Variants in BNC2 observed in about 807,000 individuals in gnomAD.
The protein encoded by BNC2 is zinc finger protein basonuclin-2.
In BNC2, 20 loss-of-function variants were observed where a neutral mutation model predicts 76.3. The ratio of observed to expected loss-of-function variants is 0.26; its 90% CI spans 0.18 to 0.38. The LOEUF is 0.38. Among genes scored for constraint, BNC2 ranks in the 10% least tolerant of loss-of-function variants. BNC2 has a pLI of 1.00. For synonymous variants in BNC2, 582 were observed against 514.8 expected (o/e 1.13, Z -1.77); for missense variants, 1,382 against 1,399.8 (o/e 0.99, Z 0.20).
chr9:16,753,473 A>G (rs1444199286), intron 1 of BNC2, among the ~76,000 whole-genome samples: 5 of 152,230 alleles, frequency 3.3e-5, no homozygotes, highest in African/African-American at 1.2e-4. Context: ...CAACACTACA[A>G]TGTGATTCAG....
intron 5 of BNC2, among the ~76,000 whole-genome samples, chr9:16,469,992 CTTTTTTTTTTTTT>C (rs201134930): frequency 0.24 from 27,890 of 115,292 alleles, 3,012 homozygotes; most frequent in South Asian, 0.33. Flanking sequence ...TAATGGCATT[CTTTTTTTTTTTTT>C]TTTTTTTTTT....
intron 1 of BNC2, among the ~76,000 whole-genome samples, chr9:16,863,282 G>C (rs181100137): frequency 8.5e-5 from 13 of 152,306 alleles, no homozygotes; most frequent in Admixed American, 3.9e-4. Flanking sequence ...CCTAGGATAG[G>C]ATAGCTGGGC....
chr9:16,435,483 T>C (rs1242957812), intron 6 of BNC2, 72 bp downstream of exon 6: 1 of 1,535,806 alleles, frequency 6.5e-7, no homozygotes, highest in Non-Finnish European at 9.0e-7. Context: ...TTTCTTTTAG[T>C]GTGAAGTCCA....
chr9:16,522,254 G>C (rs1370970999), intron 5 of BNC2, among the ~76,000 whole-genome samples: 3 of 152,198 alleles, frequency 2.0e-5, no homozygotes, highest in Non-Finnish European at 4.4e-5. Context: ...CAAAGAGGAA[G>C]CATAATGTTC....
chr9:16,756,088 C>T (rs1278442911), intron 1 of BNC2, among the ~76,000 whole-genome samples: 2 of 152,182 alleles, frequency 1.3e-5, no homozygotes, highest in African/African-American at 4.8e-5. Context: ...AGGGACAACC[C>T]TTTCTTTGTC....
intron 5 of BNC2, among the ~76,000 whole-genome samples, chr9:16,502,292 G>A (rs577285148): frequency 6.4e-4 from 97 of 152,236 alleles, no homozygotes; most frequent in Non-Finnish European, 1.2e-3. Context: ...AGGTCACAGC[G>A]AGCTATGGTC....
At chr9:16,447,051 T>C (rs1342742661) in intron 5 of BNC2, among the ~76,000 whole-genome samples, 1 of 152,192 alleles carries the variant, frequency 6.6e-6, no homozygotes, top group Non-Finnish European at 1.5e-5. Flanking sequence ...TTTTTCAAGT[T>C]ACCTCGCTGC....
intron 5 of BNC2, among the ~76,000 whole-genome samples, chr9:16,476,454 T>C (rs930756993): frequency 1.3e-5 from 2 of 152,054 alleles, no homozygotes; most frequent in South Asian, 4.2e-4. Flanking sequence ...ATTTTCCTCA[T>C]TAATTGCAAC....
chr9:16,422,263 C>G (rs900410571), intron 6 of BNC2, among the ~76,000 whole-genome samples: 4 of 152,194 alleles, frequency 2.6e-5, no homozygotes, highest in Admixed American at 6.5e-5. Context: ...TAGACCAGCT[C>G]TGGCACTCTG....
At chr9:16,600,569 C>T (rs1263302619) in intron 3 of BNC2, among the ~76,000 whole-genome samples, 1 of 152,116 alleles carries the variant, frequency 6.6e-6, no homozygotes, top group Non-Finnish European at 1.5e-5. Context: ...TTAAGGTATA[C>T]ATGCTTCCTC....
intron 3 of BNC2, among the ~76,000 whole-genome samples, chr9:16,631,100 T>C (rs1282244548): frequency 1.3e-5 from 2 of 152,168 alleles, no homozygotes; most frequent in African/African-American, 2.4e-5. Flanking sequence ...ACTACATTTA[T>C]GGGGTACGTG....
chr9:16,656,740 T>C (rs1247433584), intron 3 of BNC2, among the ~76,000 whole-genome samples: 2 of 152,198 alleles, frequency 1.3e-5, no homozygotes, highest in African/African-American at 2.4e-5. Context: ...CACAATATCA[T>C]ATTGTTAACT....
chr9:16,453,895 G>A (rs1386367518), intron 5 of BNC2, among the ~76,000 whole-genome samples: 2 of 152,254 alleles, frequency 1.3e-5, no homozygotes, highest in East Asian at 1.9e-4. Flanking sequence ...TTCAAGAACT[G>A]CCCCAATCTA....
intron 3 of BNC2, among the ~76,000 whole-genome samples, chr9:16,663,689 TAATGTCC>T (rs1822181628): frequency 6.6e-6 from 1 of 152,150 alleles, no homozygotes; most frequent in South Asian, 2.1e-4. Context: ...GAAAGAGTAA[TAATGTCC>T]AATAGCGTCA....
rs1023196981 is a variant in BNC2 at position 16,549,653 on chromosome 9, T to C, written c.669+2877A>G. Among the ~76,000 whole-genome samples, 9 of 152,216 alleles carry C rather than the reference T, an allele frequency of 5.9e-5. 1 individual carries two copies. In the East Asian group the frequency reaches 1.7e-3, roughly 29 times the overall value. The stretch of plus-strand genomic sequence containing the variant: ...GGCCAATTATCAAGTAACATTACTT[T>C]AGAAGAATGGGTTTACTTTTACAGT... On this transcript the variant is annotated intron_variant, in intron 5 of 6. Coordinates refer to ENST00000380672, the MANE Select transcript of BNC2 (RefSeq NM_017637.6).
intron 3 of BNC2, among the ~76,000 whole-genome samples, chr9:16,669,247 A>T (rs943666972): frequency 2.0e-5 from 3 of 152,196 alleles, no homozygotes; most frequent in Admixed American, 1.3e-4. Flanking sequence ...CAAGATAAAA[A>T]ATTGTTCCTG....
At chr9:16,600,217 A>G (rs1820208222) in intron 3 of BNC2, among the ~76,000 whole-genome samples, 1 of 152,216 alleles carries the variant, frequency 6.6e-6, no homozygotes, top group African/African-American at 2.4e-5. Flanking sequence ...AGTGTGTTCT[A>G]CTTGAGTGAA....
intron 1 of BNC2, among the ~76,000 whole-genome samples, chr9:16,834,169 A>G (rs1192367496): frequency 1.4e-5 from 2 of 146,388 alleles, no homozygotes; most frequent in East Asian, 2.0e-4. Context: ...TCAAAGCTCA[A>G]AAAAACTTTG....
chr9:16,681,969 C>T (rs998763794), intron 3 of BNC2, among the ~76,000 whole-genome samples: 2 of 151,774 alleles, frequency 1.3e-5, no homozygotes, highest in Non-Finnish European at 2.9e-5. Flanking sequence ...GCTACTGGTC[C>T]ACTTAGACTG....
Sources: allele counts gnomAD v4.1 joint callset (sites outside exome capture counted in the v4.1 genomes callset), GRCh38; gene constraint gnomAD v4.1.1; transcripts MANE v1.5; gene names NCBI Gene and HGNC (gene_info 2026-07-23, HGNC 2026-07-21).